Variants in SAMSN1 observed in about 807,000 individuals in gnomAD.
SAMSN1 encodes SAM domain-containing protein SAMSN-1.
Under a neutral mutation model 42.0 loss-of-function variants are expected in SAMSN1, and 31 were observed. The ratio of observed to expected loss-of-function variants is 0.74; its 90% CI spans 0.55 to 1.00. The LOEUF (loss-of-function observed/expected upper bound fraction) is 1.00, where lower values mean the gene tolerates loss of function less well. SAMSN1 is among the 50% of genes least tolerant of loss of function. The probability of loss-of-function intolerance (pLI) is 0.00; values close to 1 mark genes in which losing one functional copy is unlikely to be tolerated. For synonymous variants in SAMSN1, 178 were observed against 151.9 expected, an observed-to-expected ratio of 1.17 and a Z score of -1.26; for missense variants, 464 against 439.4, an observed-to-expected ratio of 1.06 and a Z score of -0.50.
chr21:14,564,620 A>G (rs547494828), intron 2 of SAMSN1, among the ~76,000 whole-genome samples: 2 of 152,328 alleles, frequency 1.3e-5, no homozygotes, highest in South Asian at 2.1e-4. Flanking sequence ...ATAAGCCAAA[A>G]GCAACTCCAT....
Position 14,516,915 on chromosome 21 carries a change from T to C in SAMSN1, c.256A>G (p.Ile86Val), listed in dbSNP as rs1987943369. 1 of 1,610,628 alleles carries C rather than the reference T, an allele frequency of 6.2e-7. No individual in the cohort carries two copies. The highest frequency in any genetic ancestry group is 1.3e-5 in the African/African-American group (1 of 74,798). ...ACCTTTTCCTCAGAAAGGGCTTTGA[T>C]GTACTTTTTACCCACTTTTTTCTTC... ...TMKKKVGKKY[I>V]KALSEEKDEE... is the part of the protein sequence containing the mutation. The change falls in exon 3 of 8, where the codon ATC (isoleucine) becomes GTC (valine). Residue 86 changes from isoleucine (I) to valine (V), a missense_variant. Coordinates refer to ENST00000400566, the MANE Select transcript of SAMSN1 (RefSeq NM_022136.5).
intron 2 of SAMSN1, among the ~76,000 whole-genome samples, chr21:14,557,863 G>A (rs1980814326): frequency 6.6e-6 from 1 of 152,104 alleles, no homozygotes; most frequent in African/African-American, 2.4e-5. Context: ...TTCCATCTGC[G>A]GGAAGTGCTT....
intron 2 of SAMSN1, among the ~76,000 whole-genome samples, chr21:14,558,714 A>G (rs772206371): frequency 6.6e-6 from 1 of 152,010 alleles, no homozygotes; most frequent in African/African-American, 2.4e-5. Flanking sequence ...CAACAACAAC[A>G]ACAACCAAAA....
chr21:14,620,603 T>C (rs891335024), intron 2 of SAMSN1, among the ~76,000 whole-genome samples: 3 of 152,204 alleles, frequency 2.0e-5, no homozygotes, highest in African/African-American at 7.2e-5. Context: ...GTACCCCTCA[T>C]TGTTTTAGAT....
intron 6 of SAMSN1, among the ~76,000 whole-genome samples, chr21:14,601,743 G>C (rs1301873714): frequency 6.6e-6 from 1 of 152,188 alleles, no homozygotes; most frequent in Non-Finnish European, 1.5e-5. Context: ...GAACATCCCA[G>C]TATATTAATT....
chr21:14,496,038 AC>A (rs1986903245), intron 7 of SAMSN1: 1 of 152,188 alleles, frequency 6.6e-6, no homozygotes, highest in South Asian at 2.1e-4. Flanking sequence ...TGGCACTGAA[AC>A]CATCTTCCCT....
intron 2 of SAMSN1, among the ~76,000 whole-genome samples, chr21:14,568,457 G>A (rs1182723016): frequency 6.6e-6 from 1 of 152,148 alleles, no homozygotes; most frequent in Non-Finnish European, 1.5e-5. Flanking sequence ...TCAGCATTTT[G>A]CCATATAAGG....
Position 14,607,318 on chromosome 21 carries a change from C to A in SAMSN1, c.322+2164G>T, listed in dbSNP as rs1486156187. Among the ~76,000 whole-genome samples, 3 of 152,212 alleles carry A rather than the reference C, an allele frequency of 2.0e-5. No individual in the cohort carries two copies. In the East Asian group the frequency reaches 5.8e-4, roughly 29 times the overall value. ...AAATATTTTAGGTTGATACATAGGT[C>A]ACTAATTACTTAGAAATACTCTGAG... On this transcript the variant is annotated intron_variant, in intron 5 of 15. Coordinates refer to the SAMSN1 transcript ENST00000647101.
At chr21:14,552,051 A>G (rs1373256871) in intron 2 of SAMSN1, among the ~76,000 whole-genome samples, 1 of 152,234 alleles carries the variant, frequency 6.6e-6, no homozygotes, top group South Asian at 2.1e-4. Context: ...AGTTGGTTCA[A>G]TCATTACATG....
At chr21:14,532,261 A>G (rs987236070) in intron 1 of SAMSN1, among the ~76,000 whole-genome samples, 5 of 152,220 alleles carry the variant, frequency 3.3e-5, no homozygotes, top group Non-Finnish European at 7.3e-5. Flanking sequence ...TGAGTGCTGC[A>G]GTTAATATCA....
chr21:14,641,891 C>G (rs1293042235), intron 2 of SAMSN1, among the ~76,000 whole-genome samples: 1 of 152,116 alleles, frequency 6.6e-6, no homozygotes, highest in African/African-American at 2.4e-5. Flanking sequence ...AAAAACTTTA[C>G]TAATAGTCTA....
At chr21:14,601,492 A>T (rs931111742) in intron 6 of SAMSN1, among the ~76,000 whole-genome samples, 1 of 152,214 alleles carries the variant, frequency 6.6e-6, no homozygotes, top group Non-Finnish European at 1.5e-5. Context: ...GTCAGAGAAA[A>T]TATCAAAAGT....
At chr21:14,582,198 A>G in exon 2 of SAMSN1, 1 of 1,550,738 alleles carries the variant, frequency 6.4e-7, no homozygotes, top group Admixed American at 2.0e-5. Context: ...CGAATACAAG[A>G]GGAGCAGTGG....
At chr21:14,572,216 A>G (rs1371477583) in intron 2 of SAMSN1, among the ~76,000 whole-genome samples, 2 of 152,208 alleles carry the variant, frequency 1.3e-5, no homozygotes, top group Non-Finnish European at 1.5e-5. Context: ...TTAAGTTCCA[A>G]TTAGGTGTCA....
At chr21:14,640,290 C>CCTCCGTAACAAATAGTTGT (rs1299162448) in intron 2 of SAMSN1, among the ~76,000 whole-genome samples, 3 of 152,088 alleles carry the variant, frequency 2.0e-5, no homozygotes, top group African/African-American at 7.2e-5. Context: ...GCTATAGTTT[C>CCTCCGTAACAAATAGTTGT]CTCCGTAACA....
chr21:14,549,482 T>A (rs1980530440), upstream of SAMSN1, among the ~76,000 whole-genome samples: 1 of 152,124 alleles, frequency 6.6e-6, no homozygotes, highest in Admixed American at 6.6e-5. Flanking sequence ...TTGGGCACAA[T>A]CTTATGCATG....
rs567894422 is a variant in SAMSN1, at chr21:14,497,164, C to A, written c.919+1278G>T. Among the ~76,000 whole-genome samples, 8 of 152,314 alleles carry A rather than the reference C, an allele frequency of 5.3e-5. No homozygotes were observed. The South Asian group carries it at 1.7e-3, about 32-fold the overall frequency. ...TTAGACAAGTTACTTGCTGTCTTAA[C>A]TCATCATAAAAATGAGGGCGGTAGT... On this transcript the variant is annotated intron_variant, in intron 7 of 7. Transcript: ENST00000400566.
chr21:14,612,465 G>A (rs896909687), intron 4 of SAMSN1: 1 of 292,550 alleles, frequency 3.4e-6, no homozygotes, highest in African/African-American at 2.2e-5. Flanking sequence ...GAGAAGATTT[G>A]GTGTGTGAAA....
At chr21:14,574,411 C>G (rs1214345727) in intron 2 of SAMSN1, among the ~76,000 whole-genome samples, 2 of 152,078 alleles carry the variant, frequency 1.3e-5, no homozygotes, top group Non-Finnish European at 2.9e-5. Flanking sequence ...TAATATGATG[C>G]CTTTGAGTAA....
Sources: gnomAD v4.1 joint callset for allele counts (sites outside exome capture counted in the v4.1 genomes callset) on GRCh38, gnomAD v4.1.1 for gene constraint, MANE v1.5 for transcripts, NCBI Gene and HGNC (gene_info 2026-07-23, HGNC 2026-07-21) for gene names.